The following SBF2 variants were observed in gnomAD, a reference collection of about 807,000 sequenced individuals.
SBF2 encodes the protein SET binding factor 2.
A neutral mutation model predicts 225.2 loss-of-function variants in SBF2; 112 were observed. That is an observed-to-expected ratio of 0.50 (90% CI 0.43 to 0.58). The LOEUF (loss-of-function observed/expected upper bound fraction) is 0.58. Among genes scored for constraint, SBF2 ranks in the 20% least tolerant of loss-of-function variants. The pLI is 0.00. For synonymous variants in SBF2, 763 were observed against 773.3 expected (o/e 0.99, Z 0.22); for missense variants, 1,996 against 2,206.2 (o/e 0.90, Z 1.91).
intron 32 of SBF2, among the ~76,000 whole-genome samples, chr11:9,801,261 A>G (rs2030226573): frequency 6.6e-6 from 1 of 152,224 alleles, no homozygotes; most frequent in Non-Finnish European, 1.5e-5. Context: ...AAACTGCATG[A>G]AGCATTTTAG....
intron 6 of SBF2, among the ~76,000 whole-genome samples, chr11:10,007,324 C>G (rs1044493172): frequency 6.6e-6 from 1 of 152,122 alleles, no homozygotes; most frequent in African/African-American, 2.4e-5. Context: ...TACCACAGAA[C>G]ACGCCCCTCA....
intron 1 of SBF2, among the ~76,000 whole-genome samples, chr11:10,266,819 T>C (rs1374333745): frequency 2.0e-5 from 3 of 152,228 alleles, no homozygotes; most frequent in South Asian, 2.1e-4. Context: ...CCGGGCGTGG[T>C]TGCTCACGCC....
At chr11:10,016,094 T>C (rs997525651) in intron 6 of SBF2, among the ~76,000 whole-genome samples, 2 of 151,370 alleles carry the variant, frequency 1.3e-5, no homozygotes, top group Non-Finnish European at 3.0e-5. Context: ...TGCTCTTATC[T>C]GAACACTCTG....
chr11:9,844,435 A>C (rs570726756), intron 24 of SBF2, among the ~76,000 whole-genome samples: 1 of 152,318 alleles, frequency 6.6e-6, no homozygotes, highest in East Asian at 1.9e-4. Flanking sequence ...CAGTGAATGA[A>C]ATTTTAGCCC....
chr11:10,071,619 A>AGT, intron 2 of SBF2, among the ~76,000 whole-genome samples: 1 of 152,080 alleles, frequency 6.6e-6, no homozygotes. Context: ...TCAGTATGAT[A>AGT]TTGGCTGTGG....
chr11:10,038,932 T>C (rs1181865082), intron 3 of SBF2, among the ~76,000 whole-genome samples: 4 of 151,884 alleles, frequency 2.6e-5, no homozygotes, highest in Non-Finnish European at 4.4e-5. Flanking sequence ...AGATAAGTAA[T>C]AAAAGTCAAT....
chr11:10,152,565 A>T (rs1955260114), intron 2 of SBF2, among the ~76,000 whole-genome samples: 1 of 151,944 alleles, frequency 6.6e-6, no homozygotes, highest in Non-Finnish European at 1.5e-5. Context: ...AAAAAAGAAG[A>T]AGAAAAGAAA....
At chr11:9,901,330 G>C (rs1297922159) in intron 16 of SBF2, among the ~76,000 whole-genome samples, 1 of 152,150 alleles carries the variant, frequency 6.6e-6, no homozygotes, top group African/African-American at 2.4e-5. Flanking sequence ...AAAAAGACTA[G>C]CACTTGCTAA....
At chr11:10,116,253 A>T (rs1953133743) in intron 2 of SBF2, among the ~76,000 whole-genome samples, 1 of 152,242 alleles carries the variant, frequency 6.6e-6, no homozygotes, top group African/African-American at 2.4e-5. Context: ...ATTGTGACTG[A>T]ATTTTAATTC....
At chr11:9,821,295 T>A (rs556879783) in intron 28 of SBF2, among the ~76,000 whole-genome samples, 1 of 152,212 alleles carries the variant, frequency 6.6e-6, no homozygotes. Flanking sequence ...TTCTGACTCA[T>A]TATTGTATCT....
intron 2 of SBF2, among the ~76,000 whole-genome samples, chr11:10,175,489 C>T (rs1591138238): frequency 6.6e-6 from 1 of 151,440 alleles, no homozygotes; most frequent in Non-Finnish European, 1.5e-5. Context: ...GCACCCAATA[C>T]AGGAGCACCC....
chr11:9,794,400 C>T (rs1032842205), intron 33 of SBF2, among the ~76,000 whole-genome samples: 7 of 150,910 alleles, frequency 4.6e-5, no homozygotes, highest in African/African-American at 1.5e-4. Context: ...CCTGGCCAGG[C>T]GTGGTGGCTC....
chr11:10,091,640 G>A (rs985265391), intron 2 of SBF2, among the ~76,000 whole-genome samples: 5 of 152,172 alleles, frequency 3.3e-5, no homozygotes, highest in Admixed American at 1.3e-4. Flanking sequence ...GGGGTAGGGA[G>A]GCTGCATAGA....
chr11:10,103,760 C>T (rs1441565727), intron 2 of SBF2, among the ~76,000 whole-genome samples: 1 of 152,102 alleles, frequency 6.6e-6, no homozygotes, highest in African/African-American at 2.4e-5. Context: ...TCAAGCAAAA[C>T]AGGAGTTAAC....
chr11:9,829,317 T>C, intron 28 of SBF2, 39 bp downstream of exon 28: 1 of 1,607,516 alleles, frequency 6.2e-7, no homozygotes, highest in East Asian at 2.2e-5. Context: ...TGACCTTTCA[T>C]TAGAAGCTGT....
At chr11:10,018,739 G>A (rs1401646179) in intron 6 of SBF2, among the ~76,000 whole-genome samples, 1 of 152,112 alleles carries the variant, frequency 6.6e-6, no homozygotes, top group South Asian at 2.1e-4. Context: ...AGTCAACAAG[G>A]ACTCAATTGG....
chr11:9,809,080 T>TAA (rs1412646436), intron 30 of SBF2, 78 bp from the exon 31 acceptor site: 2 of 1,089,408 alleles, frequency 1.8e-6, no homozygotes, highest in East Asian at 4.8e-5. Context: ...CTTTCAACCC[T>TAA]GGATAATCAA....
At chr11:10,072,950 G>T (rs376425701) in intron 2 of SBF2, among the ~76,000 whole-genome samples, 1 of 151,306 alleles carries the variant, frequency 6.6e-6, no homozygotes, top group South Asian at 2.1e-4. Flanking sequence ...GTAAAGACAG[G>T]TTTCACTTTT....
chr11:9,889,584 T>C (rs544599482), intron 17 of SBF2, among the ~76,000 whole-genome samples: 70 of 152,330 alleles, frequency 4.6e-4, no homozygotes, highest in Middle Eastern at 6.8e-3. Flanking sequence ...TTTAATTGTA[T>C]ATTATATACT....
Sources: allele counts gnomAD v4.1 joint callset (sites outside exome capture counted in the v4.1 genomes callset), GRCh38; gene constraint gnomAD v4.1.1; transcripts MANE v1.5; gene names NCBI Gene and HGNC (gene_info 2026-07-23, HGNC 2026-07-21).